REV3L: variants seen among roughly 807,000 people sequenced by gnomAD.
REV3L encodes the protein DNA polymerase zeta catalytic subunit.
Under a neutral mutation model 299.4 loss-of-function variants are expected in REV3L, and 69 were observed. The ratio of observed to expected loss-of-function variants is 0.23; its 90% confidence interval spans 0.19 to 0.28. The LOEUF (loss-of-function observed/expected upper bound fraction) is 0.28. REV3L is among the 10% of genes least tolerant of loss of function. The pLI is 1.00. For synonymous variants in REV3L, 1,238 were observed against 1,271.4 expected (o/e 0.97, Z 0.56); for missense variants, 3,128 against 3,693.8 (o/e 0.85, Z 3.97).
At chr6:111,478,485 T>C (rs1438056465) in intron 1 of REV3L, among the ~76,000 whole-genome samples, 2 of 152,220 alleles carry the variant, frequency 1.3e-5, no homozygotes, top group South Asian at 2.1e-4. Context: ...ATAGGTGTTA[T>C]ATGATCTTAA....
At position 111,305,234 on chromosome 6, in the gene REV3L, G is replaced by A. The variant is rs534161281; in HGVS notation, c.9252+2127C>T. On this transcript the variant is annotated intron_variant, in intron 31 of 31. Transcript: ENST00000368802. ...GGGATTTGTAGGCATGAGCCACCAC[G>A]CCCGGCCGATTTTATTCTTTTTTTA... Among the ~76,000 whole-genome samples the A allele has an allele frequency of 2.5e-3, 377 of 152,188 alleles. 2 individuals carry two copies. The highest frequency in any genetic ancestry group is 8.4e-3 in the African/African-American group (348 of 41,534).
intron 1 of REV3L, among the ~76,000 whole-genome samples, chr6:111,425,813 T>C (rs1397740724): frequency 6.6e-6 from 1 of 151,732 alleles, no homozygotes; most frequent in Non-Finnish European, 1.5e-5. Context: ...GAGACCAACA[T>C]CTTACCAAAT....
At chr6:111,392,140 T>C (rs1259017717) in intron 5 of REV3L, among the ~76,000 whole-genome samples, 1 of 152,242 alleles carries the variant, frequency 6.6e-6, no homozygotes, top group East Asian at 1.9e-4. Flanking sequence ...AGGATGAATA[T>C]TCCCGAAGTA....
rs1245831291 is a variant in REV3L at position 111,376,702 on chromosome 6, G to A, written c.1653C>T (p.Ser551=). 3 of 1,604,782 alleles carry A rather than the reference G, an allele frequency of 1.9e-6. No homozygotes were observed. The highest frequency in any genetic ancestry group is 2.5e-6 in the Non-Finnish European group (3 of 1,179,106). The change falls in exon 13 of 32, where the codon AGC becomes AGT. Residue 551 remains serine, a synonymous_variant. Coordinates refer to ENST00000368802, the MANE Select transcript of REV3L (RefSeq NM_001372078.1). ...SRTHSSVIAT[S]KLSVKPSIFH... ...AGATGGAGGGTTTAACTGAAAGCTTGCTTGTTGCAATTACAGAAGAGTGGG... is the reference window on the plus strand; with the variant it reads ...AGATGGAGGGTTTAACTGAAAGCTTACTTGTTGCAATTACAGAAGAGTGGG...
chr6:111,358,839 T>A lies in REV3L; in HGVS notation c.7055A>T (p.Lys2352Met). 6.2e-7 allele frequency: 1 copy of A among 1,610,282 alleles called. No homozygotes were observed. Among genetic ancestry groups the A allele is most frequent in the Non-Finnish European group, 8.5e-7 (1 of 1,177,564 alleles). Reference sequence around the variant, plus strand: ...GACAATACCTTGACTGAAAACTGTCTTGTCTTTATCAATCACTATTACACC... The same window carrying A: ...GACAATACCTTGACTGAAAACTGTCATGTCTTTATCAATCACTATTACACC... ...LTGVIVIDKD[K>M]TVFSQDIRYQ... Residue 2352 changes from lysine (K) to methionine (M), a missense_variant, in exon 17 of 32, where the codon AAG becomes ATG. Around this residue, in one of 9 missense-constraint regions of REV3L, gnomAD observed 82 missense variants for 142.7 expected, o/e 0.57. Coordinates refer to ENST00000368802, the MANE Select transcript of REV3L (RefSeq NM_001372078.1).
In REV3L at chr6:111,367,749, T is replaced by C; in HGVS notation, c.6039A>G (p.Lys2013=). The change falls in exon 14 of 32, where the codon AAA becomes AAG. Residue 2013 remains lysine (K), a synonymous_variant. Coordinates refer to ENST00000368802, the MANE Select transcript of REV3L (RefSeq NM_001372078.1). The part of the protein sequence containing the change: ...RQLVQVWLQA[K]EEYERSKKLP... ...GTTTCTTGGAACGTTCGTATTCTTC[T>C]TTGGCTTGAAGCCACACTTGAACCA... 1 of 1,614,246 alleles carries C rather than the reference T, an allele frequency of 6.2e-7. No individual in the cohort carries two copies. Among genetic ancestry groups the C allele is most frequent in the Non-Finnish European group, 8.5e-7 (1 of 1,180,040 alleles).
Position 111,358,891 on chromosome 6 carries a change from G to C in REV3L, c.7003C>G (p.Pro2335Ala). The change falls in exon 17 of 32, where the codon CCA (proline) becomes GCA (alanine). Residue 2335 changes from proline to alanine, a missense_variant. Around this residue, in one of 9 missense-constraint regions of REV3L, gnomAD observed 82 missense variants for 142.7 expected, o/e 0.57. Coordinates refer to ENST00000368802, the MANE Select transcript of REV3L (RefSeq NM_001372078.1). ...GTGAGTTCTGTTTTTTCTGTATCTG[G>C]CAGTGGAGTGTCAGATGAGATGCAG... ...FYCISSDTPL[P>A]DTEKTELTGV... The C allele has an allele frequency of 6.2e-7, 1 of 1,613,870 alleles. No homozygotes were observed. The highest frequency in any genetic ancestry group is 1.1e-5 in the South Asian group (1 of 91,074).
rs1383571413 is a variant in REV3L, at chr6:111,349,213, C to T, written c.7419+5G>A. 7.2e-7 allele frequency: 1 copy of T among 1,380,080 alleles called. No homozygotes were observed. Among genetic ancestry groups the T allele is most frequent in the Non-Finnish European group, 1.0e-6 (1 of 971,242 alleles). 85.5% of individuals were successfully genotyped at this position (1,380,080 alleles called of 1,614,324 possible). ...TCTAAACAACATTTTGGATAAATCA[C>T]CCACCTCATTTCTCATGATTCTCCA... On this transcript the variant is annotated splice_donor_5th_base_variant and intron_variant, in intron 20 of 31. Transcript: ENST00000368802.
rs1772349554 is a variant in REV3L, at chr6:111,306,723, G to C, written c.9252+638C>G. Among the ~76,000 whole-genome samples the C allele has an allele frequency of 2.0e-5, 3 of 152,112 alleles. No homozygotes were observed. The South Asian group carries it at 6.2e-4, about 32-fold the overall frequency. On this transcript the variant is annotated intron_variant, in intron 31 of 31. Coordinates refer to ENST00000368802, the MANE Select transcript of REV3L (RefSeq NM_001372078.1). Reference sequence around the variant, plus strand: ...AATCATGCCATTAATCATCTACCTGGACTCACAGAATTATAAACCTTCCAA... The same window carrying C: ...AATCATGCCATTAATCATCTACCTGCACTCACAGAATTATAAACCTTCCAA...
chr6:111,371,979 A>G (rs1779848247), intron 13 of REV3L, among the ~76,000 whole-genome samples: 1 of 152,178 alleles, frequency 6.6e-6, no homozygotes, highest in African/African-American at 2.4e-5. Context: ...GGTGCACACC[A>G]CCATACCCAG....
intron 1 of REV3L, among the ~76,000 whole-genome samples, chr6:111,454,080 G>A (rs904066657): frequency 1.3e-5 from 2 of 151,368 alleles, no homozygotes; most frequent in Non-Finnish European, 2.9e-5. Context: ...TATCCCATGC[G>A]CTTACACACA....
At chr6:111,430,261 G>A (rs777222338) in intron 1 of REV3L, 123 of 940,058 alleles carry the variant, frequency 1.3e-4, no homozygotes, top group Middle Eastern at 3.2e-4. Flanking sequence ...ATCAACTGGC[G>A]AGACAATTGC....
chr6:111,339,721 A>T (rs565594131), intron 21 of REV3L, among the ~76,000 whole-genome samples: 3 of 152,150 alleles, frequency 2.0e-5, no homozygotes, highest in South Asian at 4.1e-4. Flanking sequence ...TGGCTAATTT[A>T]AAAAAATGTA....
rs939238089 is a variant in REV3L at position 111,367,670 on chromosome 6, A to G, written c.6118T>C (p.Ser2040Pro). The change falls in exon 14 of 32, where the codon TCA (serine) becomes CCA (proline). Residue 2040 changes from serine (S) to proline (P), a missense_variant. By Grantham distance (74) the Ser-to-Pro change is moderately conservative (BLOSUM62 -1). Transcript: ENST00000368802. Reference protein sequence around the residue: ...VVKSAENFSSSVNPDDKPVVP... With the variant: ...VVKSAENFSSPVNPDDKPVVP... ...ACAGGTTTGTCATCTGGGTTAACTG[A>G]AGAGCTAAAGTTCTCAGCAGATTTT... 1 of 1,614,192 alleles carries G rather than the reference A, an allele frequency of 6.2e-7. No homozygotes were observed. Among genetic ancestry groups the G allele is most frequent in the African/African-American group, 1.3e-5 (1 of 75,056 alleles).
chr6:111,361,024 T>A (rs1198969977), intron 16 of REV3L, among the ~76,000 whole-genome samples: 1 of 152,048 alleles, frequency 6.6e-6, no homozygotes, highest in Non-Finnish European at 1.5e-5. Flanking sequence ...AAATAAAAAA[T>A]TTTTAAATGG....
intron 4 of REV3L, among the ~76,000 whole-genome samples, chr6:111,402,352 C>G (rs1783173375): frequency 6.6e-6 from 1 of 152,170 alleles, no homozygotes; most frequent in African/African-American, 2.4e-5. Flanking sequence ...CTACCTTAAC[C>G]TGCGGAGGGC....
At chr6:111,431,254 G>A in intron 1 of REV3L, 1 of 1,518,726 alleles carries the variant, frequency 6.6e-7, no homozygotes, top group Non-Finnish European at 9.1e-7. Flanking sequence ...GACCCTACAA[G>A]AGATTTAGAT....
In REV3L at chr6:111,372,905, G is replaced by C. The variant is rs1274909037; in HGVS notation, c.5450C>G (p.Ser1817Cys). The C allele has an allele frequency of 6.2e-7, 1 of 1,614,126 alleles. No homozygotes were observed. Among genetic ancestry groups the C allele is most frequent in the Non-Finnish European group, 8.5e-7 (1 of 1,180,008 alleles). The change falls in exon 13 of 32, where the codon TCT (serine) becomes TGT (cysteine). Residue 1817 changes from serine (S) to cysteine (C), a missense_variant. By Grantham distance (112) the Ser-to-Cys change is moderately radical. Around this residue, in one of 9 missense-constraint regions of REV3L, gnomAD observed 2,409 missense variants for 2,611.8 expected, o/e 0.92. Transcript: ENST00000368802. ...AGGGGAGGAGAGTATTGCAGTAAAA[G>C]AGGTATTGGCTGAGTCAAGAGACTG... ...MGQSLDSANTSFTAILSSPDG... is the reference protein window; with the variant it reads ...MGQSLDSANTCFTAILSSPDG...
intron 1 of REV3L, among the ~76,000 whole-genome samples, chr6:111,420,585 C>T (rs781232556): frequency 6.6e-6 from 1 of 152,150 alleles, no homozygotes; most frequent in Non-Finnish European, 1.5e-5. Flanking sequence ...GAAATAAGAT[C>T]GTCTGTGGCT....
Sources: allele counts gnomAD v4.1 joint callset (sites outside exome capture counted in the v4.1 genomes callset), GRCh38; gene constraint gnomAD v4.1.1; regional missense constraint gnomAD v4.1.1; transcripts MANE v1.5; gene names NCBI Gene and HGNC (gene_info 2026-07-23, HGNC 2026-07-21).